DAB2: variants seen among roughly 807,000 people sequenced by gnomAD.
DAB2 encodes the protein disabled homolog 2.
Under a neutral mutation model 71.6 loss-of-function variants are expected in DAB2, and 28 were observed. The observed-to-expected ratio is 0.39, with a 90% CI of 0.29 to 0.54. DAB2 has a LOEUF of 0.54. Ranked by LOEUF, DAB2 falls within the 20% of genes least tolerant of loss-of-function variation. DAB2 has a pLI of 0.68. For missense variants in DAB2, 867 were observed against 928.8 expected (o/e 0.93, Z 0.86); for synonymous variants, 345 against 339.7 (o/e 1.02, Z -0.17).
chr5:39,390,332 A>G (rs1252299558), intron 5 of DAB2, 112 bp downstream of exon 5: 2 of 1,311,212 alleles, frequency 1.5e-6, no homozygotes, highest in South Asian at 3.0e-5. Flanking sequence ...CGGAATTATT[A>G]TTTAGCCCTC....
chr5:39,388,429 G>A, intron 8 of DAB2, 62 bp from the exon 9 acceptor site: 3 of 1,132,368 alleles, frequency 2.6e-6, no homozygotes, highest in East Asian at 4.7e-5. Context: ...TTCGTATATT[G>A]TAATCATTTG....
At chr5:39,395,238 T>TA (rs11422003) in intron 1 of DAB2, among the ~76,000 whole-genome samples, 148,546 of 152,294 alleles carry the variant, frequency 0.98, 72,849 homozygotes, top group Non-Finnish European at 1. Context: ...TGTTTCTATA[T>TA]GCTGTAGAGA....
chr5:39,392,606 A>G, intron 3 of DAB2, 143 bp from the exon 4 acceptor site: 1 of 637,766 alleles, frequency 1.6e-6, no homozygotes, highest in Non-Finnish European at 2.7e-6. Context: ...TTCATCCGGG[A>G]CAGCAAGACG....
At chr5:39,399,805 G>C (rs1755454517) in intron 1 of DAB2, among the ~76,000 whole-genome samples, 1 of 152,200 alleles carries the variant, frequency 6.6e-6, no homozygotes, top group African/African-American at 2.4e-5. Context: ...AATGTCTAGT[G>C]TTTTGAATCC....
chr5:39,398,708 G>T (rs1755433997), intron 1 of DAB2, among the ~76,000 whole-genome samples: 1 of 152,094 alleles, frequency 6.6e-6, no homozygotes, highest in South Asian at 2.1e-4. Flanking sequence ...AAGACTTATT[G>T]CAAGATTTTA....
chr5:39,406,078 C>G (rs1287301208), intron 1 of DAB2, among the ~76,000 whole-genome samples: 4 of 152,150 alleles, frequency 2.6e-5, no homozygotes, highest in Admixed American at 2.6e-4. Context: ...AGCTGGTGAA[C>G]AAGTCTATAG....
intron 9 of DAB2, among the ~76,000 whole-genome samples, chr5:39,384,670 T>C (rs895126101): frequency 6.6e-6 from 1 of 152,176 alleles, no homozygotes; most frequent in African/African-American, 2.4e-5. Context: ...AGCAGTAAAT[T>C]TGATGAATCC....
intron 1 of DAB2, among the ~76,000 whole-genome samples, chr5:39,411,006 T>C (rs1473620496): frequency 1.3e-5 from 2 of 152,132 alleles, no homozygotes; most frequent in African/African-American, 2.4e-5. Context: ...CTGGGAGACT[T>C]TCCCAGAGTA....
intron 1 of DAB2, among the ~76,000 whole-genome samples, chr5:39,396,648 G>C (rs149087199): frequency 1.3e-5 from 2 of 152,334 alleles, no homozygotes; most frequent in East Asian, 3.9e-4. Flanking sequence ...TTTAGGCAGT[G>C]AATTATTCAG....
In DAB2 at chr5:39,389,925, G is replaced by A; in HGVS notation, c.470C>T (p.Pro157Leu). Residue 157 changes from proline to leucine, a missense_variant, in exon 6 of 15, where the codon CCA becomes CTA. Coordinates refer to ENST00000320816, the MANE Select transcript of DAB2 (RefSeq NM_001343.4). ...FAIKTGQQAEPLVVDLKDLFQ... is the reference protein window; with the variant it reads ...FAIKTGQQAELLVVDLKDLFQ... ...AAGGTCTTTAAGATCAACAACTAAT[G>A]GTTCAGCCTGCAGTAAGGGAAAGCA... 6.3e-7 allele frequency: 1 copy of A among 1,586,140 alleles called. No individual in the cohort carries two copies. Among genetic ancestry groups the A allele is most frequent in the Non-Finnish European group, 8.6e-7 (1 of 1,164,552 alleles).
In DAB2 at chr5:39,376,703, T is replaced by C. The variant is rs1454572081; in HGVS notation, c.2084A>G (p.Glu695Gly). Residue 695 changes from glutamate (E) to glycine (G), a missense_variant, in exon 12 of 15, where the codon GAG becomes GGG. Glu to Gly is a moderately conservative substitution (Grantham distance 98). Coordinates refer to ENST00000320816, the MANE Select transcript of DAB2 (RefSeq NM_001343.4). ...ATCAAAGTCATCATGGTCTGCATTC[T>C]CCTGAGGAATGCCAACCTTGCTGTT... ...YFNSKVGIPQ[E>G]NADHDDFDAN... 6.2e-7 allele frequency: 1 copy of C among 1,614,118 alleles called. No homozygotes were observed. Among genetic ancestry groups the C allele is most frequent in the African/African-American group, 1.3e-5 (1 of 75,062 alleles).
At chr5:39,411,201 T>TG (rs1484135444) in intron 1 of DAB2, among the ~76,000 whole-genome samples, 4 of 152,156 alleles carry the variant, frequency 2.6e-5, no homozygotes, top group African/African-American at 9.7e-5. Context: ...CTTTATGAAA[T>TG]ACTCATATTT....
intron 1 of DAB2, among the ~76,000 whole-genome samples, chr5:39,396,372 A>G (rs1478090250): frequency 6.6e-6 from 1 of 152,202 alleles, no homozygotes; most frequent in Non-Finnish European, 1.5e-5. Context: ...CTTGAAATAC[A>G]CATGTCCATT....
chr5:39,404,729 C>T (rs1755576163), intron 1 of DAB2, among the ~76,000 whole-genome samples: 1 of 152,098 alleles, frequency 6.6e-6, no homozygotes, highest in Non-Finnish European at 1.5e-5. Flanking sequence ...CAGGTGCCCA[C>T]CACTAGGCCC....
chr5:39,394,130 G>T (rs1755300474), intron 2 of DAB2, 100 bp downstream of exon 2: 2 of 934,192 alleles, frequency 2.1e-6, no homozygotes, highest in Non-Finnish European at 3.4e-6. Flanking sequence ...GAGGTTGAAG[G>T]AAGATCAGAG....
chr5:39,397,682 T>A (rs6875298), intron 1 of DAB2, among the ~76,000 whole-genome samples: 1,632 of 152,326 alleles, frequency 0.011, 28 homozygotes, highest in African/African-American at 0.037. Flanking sequence ...AAGGCTAATC[T>A]GTTTTGATTT....
intron 9 of DAB2, 54 bp downstream of exon 9, chr5:39,388,251 T>C: frequency 7.6e-7 from 1 of 1,315,206 alleles, no homozygotes. Context: ...TTATTGCCAA[T>C]TTGAGTTATA....
At position 39,423,489 on chromosome 5, in the gene DAB2, G is replaced by A. The variant is rs1467222881; in HGVS notation, c.-102+1315C>T. Among the ~76,000 whole-genome samples, 57 of 152,156 alleles carry A rather than the reference G, an allele frequency of 3.7e-4. 1 individual carries two copies. Among genetic ancestry groups the A allele is most frequent in the Admixed American group, 3.7e-3 (56 of 15,276 alleles). ...CAAAGTCTGGCTGCTGGGGTAAGAA[G>A]CATGGTGACAAGCCATTTGGTAGCT... On this transcript the variant is annotated intron_variant, in intron 1 of 14. Transcript: ENST00000320816.
chr5:39,382,736 A>G lies in DAB2; in HGVS notation c.1223T>C (p.Ile408Thr), dbSNP rs1755007604. 1 of 1,614,156 alleles carries G rather than the reference A, an allele frequency of 6.2e-7. No homozygotes were observed. The highest frequency in any genetic ancestry group is 8.5e-7 in the Non-Finnish European group (1 of 1,180,028). ...FVGSPPKGLS[I>T]QNGVKQDLES... ...CAAGTCCTGCTTTACGCCATTCTGT[A>G]TGGACAGTCCTTTGGGAGGGCTTCC... Residue 408 changes from isoleucine to threonine, a missense_variant, in exon 10 of 15, where the codon ATA becomes ACA. Coordinates refer to ENST00000320816, the MANE Select transcript of DAB2 (RefSeq NM_001343.4).
Sources: gnomAD v4.1 joint callset for allele counts (sites outside exome capture counted in the v4.1 genomes callset) on GRCh38, gnomAD v4.1.1 for gene constraint, MANE v1.5 for transcripts, NCBI Gene and HGNC (gene_info 2026-07-23, HGNC 2026-07-21) for gene names.